The following RABGAP1 variants were observed in gnomAD, a reference collection of about 807,000 sequenced individuals.
RABGAP1 encodes the protein RAB GTPase activating protein 1.
Under a neutral mutation model 137.6 loss-of-function variants are expected in RABGAP1, and 23 were observed. That is an observed-to-expected ratio of 0.17 (90% CI 0.12 to 0.24). The LOEUF (loss-of-function observed/expected upper bound fraction) is 0.24. RABGAP1 is among the 10% of genes least tolerant of loss of function. The pLI, the probability that RABGAP1 is intolerant of heterozygous loss-of-function variation, is 1.00. For missense variants in RABGAP1, 906 were observed against 1,275.8 expected, an observed-to-expected ratio of 0.71 and a Z score of 4.42; for synonymous variants, 451 against 450.7, an observed-to-expected ratio of 1.00 and a Z score of -0.01.
At chr9:122,968,092 ATAT>A (rs200261684) in intron 2 of RABGAP1, among the ~76,000 whole-genome samples, 2,400 of 152,206 alleles carry the variant, frequency 0.016, 32 homozygotes, top group South Asian at 0.066. Context: ...GTTAATGTGT[ATAT>A]ATGCATTACA....
intron 13 of RABGAP1, chr9:123,035,693 C>CT: frequency 4.8e-6 from 4 of 837,758 alleles, no homozygotes; most frequent in East Asian, 4.9e-5. Flanking sequence ...TATTTTATCT[C>CT]TAAGTATTCC....
At chr9:122,963,433 T>C (rs1473751708) in intron 2 of RABGAP1, among the ~76,000 whole-genome samples, 1 of 151,442 alleles carries the variant, frequency 6.6e-6, no homozygotes, top group African/African-American at 2.4e-5. Context: ...AAAGTATTAA[T>C]CCAACCATAA....
rs911583030 is a variant in RABGAP1 at position 122,999,714 on chromosome 9, A to AT, written c.1374+961dup. Among the ~76,000 whole-genome samples the AT allele has an allele frequency of 3.0e-3, 438 of 144,152 alleles. 2 individuals carry two copies. Among genetic ancestry groups the AT allele is most frequent in the African/African-American group, 6.9e-3 (274 of 39,472 alleles). The allele number at this position is 144,152 out of a possible 152,430, so 94.6% of individuals were successfully genotyped here. ...TTATGCTTTTACTTTTAATTTTTAA[A>AT]TTTTTTTTTTTTTAACCAGATTTGG... On this transcript the variant is annotated intron_variant, in intron 10 of 25. Transcript: ENST00000373647.
chr9:122,992,238 C>T (rs992669882), intron 6 of RABGAP1, among the ~76,000 whole-genome samples: 9 of 152,040 alleles, frequency 5.9e-5, no homozygotes, highest in Non-Finnish European at 8.8e-5. Flanking sequence ...AGGGTTTCGC[C>T]GTGTTGGCCA....
intron 13 of RABGAP1, among the ~76,000 whole-genome samples, chr9:123,059,252 CATATGTTAAA>C (rs2033869451): frequency 6.6e-6 from 1 of 152,122 alleles, no homozygotes; most frequent in Admixed American, 6.5e-5. Context: ...CCCCAAAATT[CATATGTTAAA>C]ACCTAACCAT....
intron 14 of RABGAP1, among the ~76,000 whole-genome samples, chr9:123,066,259 T>G (rs2034168194): frequency 3.3e-5 from 5 of 152,170 alleles, no homozygotes; most frequent in Non-Finnish European, 2.9e-5. Context: ...AGAGAAATAT[T>G]TTTTAGATTT....
chr9:123,089,502 G>A (rs552283263), intron 19 of RABGAP1: 1 of 390,950 alleles, frequency 2.6e-6, no homozygotes, highest in Admixed American at 3.8e-5. Context: ...GGAGCCGTCT[G>A]TAGGGTGTTC....
At chr9:123,081,734 C>T (rs138206841) in intron 19 of RABGAP1, among the ~76,000 whole-genome samples, 11 of 152,252 alleles carry the variant, frequency 7.2e-5, no homozygotes, top group Non-Finnish European at 1.0e-4. Context: ...TGCGCCACTG[C>T]GCCGACCATT....
At chr9:122,980,021 A>G (rs1416960598) in intron 2 of RABGAP1, among the ~76,000 whole-genome samples, 2 of 152,248 alleles carry the variant, frequency 1.3e-5, no homozygotes, top group Non-Finnish European at 2.9e-5. Context: ...ACCAGGTTCA[A>G]CAGACTATAG....
At chr9:123,094,469 A>T (rs1278951929) in intron 21 of RABGAP1, among the ~76,000 whole-genome samples, 1 of 152,184 alleles carries the variant, frequency 6.6e-6, no homozygotes, top group Non-Finnish European at 1.5e-5. Context: ...TAATTTTGTT[A>T]ATATAGTGAA....
rs1424737856 is a variant in RABGAP1, at chr9:122,997,467, T to C, written c.1204+106T>C. 5.9e-6 allele frequency: 4 copies of C among 680,596 alleles called. No homozygotes were observed. In the African/African-American group the frequency reaches 7.4e-5, roughly 13 times the overall value. 42.2% of individuals were successfully genotyped at this position (680,596 alleles called of 1,614,324 possible). On this transcript the variant is annotated intron_variant, in intron 9 of 25. Transcript: ENST00000373647. The stretch of plus-strand genomic sequence containing the variant: ...ATATCCAGTGTTTACCTAATTTTGA[T>C]GAAACCGAAGAATTTGAATAGTTCT...
At chr9:122,985,479 G>A (rs1017760960) in intron 3 of RABGAP1, among the ~76,000 whole-genome samples, 1 of 152,120 alleles carries the variant, frequency 6.6e-6, no homozygotes, top group African/African-American at 2.4e-5. Context: ...AGGCGTGGTG[G>A]CACGCACCTG....
chr9:123,069,916 TATA>T (rs1564175427), intron 14 of RABGAP1, among the ~76,000 whole-genome samples: 1 of 151,956 alleles, frequency 6.6e-6, no homozygotes. Context: ...GTGGTAATAA[TATA>T]ATAATAACCA....
At chr9:123,100,869 ATTC>A (rs1399748962) in intron 24 of RABGAP1, among the ~76,000 whole-genome samples, 7 of 152,346 alleles carry the variant, frequency 4.6e-5, no homozygotes, top group Admixed American at 1.3e-4. Flanking sequence ...TGTGGTGTGT[ATTC>A]TTTCAGTCTT....
In RABGAP1 at chr9:123,015,623, C is replaced by T. The variant is rs199962839; in HGVS notation, c.1630C>T (p.Leu544=). ...AAAAATTCTTGAAACATGGGGAGAA[C>T]TGTTGTCAAAATGGTAAGTTATGAT... ...AEKILETWGE[L]LSKWHLNLNV... is the part of the protein sequence containing the mutation. The change falls in exon 12 of 26, where the codon CTG becomes TTG. Residue 544 remains leucine (L), a synonymous_variant. Coordinates refer to ENST00000373647, the MANE Select transcript of RABGAP1 (RefSeq NM_012197.4). 1.9e-6 allele frequency: 3 copies of T among 1,607,520 alleles called. No homozygotes were observed. Among genetic ancestry groups the T allele is most frequent in the Non-Finnish European group, 2.6e-6 (3 of 1,174,764 alleles).
At chr9:122,973,970 G>A (rs938184085) in intron 2 of RABGAP1, among the ~76,000 whole-genome samples, 2 of 151,276 alleles carry the variant, frequency 1.3e-5, no homozygotes, top group African/African-American at 4.9e-5. Context: ...TCACGCCACT[G>A]CACTCCAGCC....
At chr9:123,026,362 C>G (rs185855043) in intron 13 of RABGAP1, among the ~76,000 whole-genome samples, 40 of 152,206 alleles carry the variant, frequency 2.6e-4, no homozygotes, top group Non-Finnish European at 4.3e-4. Flanking sequence ...TTCCTTCTAT[C>G]CCTGCTTTGG....
chr9:123,035,271 G>A, intron 13 of RABGAP1: 1 of 1,614,194 alleles, frequency 6.2e-7, no homozygotes, highest in South Asian at 1.1e-5. Context: ...TCAGCAGCCA[G>A]AGTGGGGAGA....
At chr9:122,971,241 G>A (rs1214865359) in intron 2 of RABGAP1, among the ~76,000 whole-genome samples, 1 of 152,138 alleles carries the variant, frequency 6.6e-6, no homozygotes, top group East Asian at 1.9e-4. Flanking sequence ...GTCTTGCTGG[G>A]AATTTATTCC....
Sources: allele counts gnomAD v4.1 joint callset (sites outside exome capture counted in the v4.1 genomes callset), GRCh38; gene constraint gnomAD v4.1.1; transcripts MANE v1.5; gene names NCBI Gene and HGNC (gene_info 2026-07-23, HGNC 2026-07-21).